TOR1AIP1: variants seen among roughly 807,000 people sequenced by gnomAD.
TOR1AIP1 encodes the protein torsin-1A-interacting protein 1.
TOR1AIP1 carries 54 observed loss-of-function variants against 63.3 expected under a neutral mutation model. The observed-to-expected ratio is 0.85, with a 90% CI of 0.69 to 1.07. TOR1AIP1 has a LOEUF of 1.07. TOR1AIP1 is among the 50% of genes least tolerant of loss of function. TOR1AIP1 has a pLI of 0.00. For missense variants in TOR1AIP1, 736 were observed against 715.0 expected, an observed-to-expected ratio of 1.03 and a Z score of -0.33; for synonymous variants, 294 against 273.5, an observed-to-expected ratio of 1.07 and a Z score of -0.74.
chr1:179,903,429 A>G (rs1465348002), intron 5 of TOR1AIP1, among the ~76,000 whole-genome samples: 8 of 152,228 alleles, frequency 5.3e-5, no homozygotes, highest in Admixed American at 5.2e-4. Context: ...ACCTTGGGGC[A>G]TGTTCTGTAT....
chr1:179,897,443 G>A (rs1156650513), intron 3 of TOR1AIP1, among the ~76,000 whole-genome samples: 1 of 152,252 alleles, frequency 6.6e-6, no homozygotes, highest in African/African-American at 2.4e-5. Context: ...CTTCAAATGT[G>A]TACAGAAATA....
chr1:179,894,461 C>T (rs6425595), intron 3 of TOR1AIP1, among the ~76,000 whole-genome samples: 7,892 of 151,964 alleles, frequency 0.052, 308 homozygotes, highest in Non-Finnish European at 0.068. Context: ...CTGAGGTGGA[C>T]GGATCACCTG....
chr1:179,907,939 C>G, intron 7 of TOR1AIP1, 75 bp downstream of exon 7: 1 of 496,862 alleles, frequency 2.0e-6, no homozygotes. Context: ...TTTTTTGAGA[C>G]GATGTCTTGC....
At chr1:179,888,329 C>T (rs886657493) in intron 2 of TOR1AIP1, among the ~76,000 whole-genome samples, 3 of 152,092 alleles carry the variant, frequency 2.0e-5, no homozygotes, top group African/African-American at 7.2e-5. Flanking sequence ...CCCAGGCTGG[C>T]GTGCAGTGCA....
rs772130524 is a variant in TOR1AIP1 at position 179,905,041 on chromosome 1, GA to G, written c.796+1021del. Among the ~76,000 whole-genome samples the G allele has an allele frequency of 2.0e-5, 3 of 152,242 alleles. No individual in the cohort carries two copies. In the East Asian group the frequency reaches 5.8e-4, roughly 29 times the overall value. On this transcript the variant is annotated intron_variant, in intron 6 of 9. Coordinates refer to ENST00000606911, the MANE Select transcript of TOR1AIP1 (RefSeq NM_015602.4). ...TATCTTTGTATGTAAAAATCTTCAA[GA>G]ACTTTTTTTTTCTTCCACATTACTT...
intron 1 of TOR1AIP1, chr1:179,883,761 G>A (rs778507874): frequency 1.4e-4 from 64 of 453,044 alleles, no homozygotes; most frequent in Non-Finnish European, 2.3e-4. Context: ...TGCTGACAAA[G>A]TGAGTGTATA....
chr1:179,885,723 AC>A (rs1647891399), intron 2 of TOR1AIP1, among the ~76,000 whole-genome samples: 1 of 152,102 alleles, frequency 6.6e-6, no homozygotes, highest in South Asian at 2.1e-4. Flanking sequence ...AAATAAAAAC[AC>A]CTTCATGCTA....
Position 179,882,815 on chromosome 1 carries a change from T to C in TOR1AIP1, c.313T>C (p.Tyr105His). The part of the protein sequence containing the change: ...AKEEVRESAY[Y>H]LRSRQRRQPR... ...AGAGGAAGTGAGAGAAAGCGCGTACTACCTTCGGTCTAGGCAGCGGAGGCA... is the reference window on the plus strand; with the variant it reads ...AGAGGAAGTGAGAGAAAGCGCGTACCACCTTCGGTCTAGGCAGCGGAGGCA... The change falls in exon 1 of 10, where the codon TAC (tyrosine) becomes CAC (histidine). Residue 105 changes from tyrosine to histidine, a missense_variant. Tyr to His is a moderately conservative substitution (Grantham distance 83, BLOSUM62 2). Coordinates refer to ENST00000606911, the MANE Select transcript of TOR1AIP1 (RefSeq NM_015602.4). 6.2e-7 allele frequency: 1 copy of C among 1,614,178 alleles called. No individual in the cohort carries two copies.
At chr1:179,896,444 C>T (rs748055089) in intron 3 of TOR1AIP1, among the ~76,000 whole-genome samples, 25 of 148,340 alleles carry the variant, frequency 1.7e-4, no homozygotes, top group Admixed American at 3.4e-4. Context: ...TGTCAGTGAC[C>T]GACCTAAGTG....
chr1:179,883,356 A>G (rs182625417), intron 1 of TOR1AIP1, among the ~76,000 whole-genome samples: 41 of 152,154 alleles, frequency 2.7e-4, no homozygotes, highest in Admixed American at 1.3e-4. Context: ...TTCTACAGAA[A>G]CCACTTCCAT....
chr1:179,902,737 C>T (rs1382292646), intron 5 of TOR1AIP1, among the ~76,000 whole-genome samples: 1 of 152,086 alleles, frequency 6.6e-6, no homozygotes, highest in Non-Finnish European at 1.5e-5. Flanking sequence ...CTTCTGTGTT[C>T]CTCAGTCTTG....
chr1:179,884,888 A>G (rs1647869035), intron 2 of TOR1AIP1, 119 bp downstream of exon 2: 1 of 670,788 alleles, frequency 1.5e-6, no homozygotes, highest in Middle Eastern at 3.6e-4. Flanking sequence ...AGTACTCAAG[A>G]GTACCAGCCA....
At chr1:179,885,996 C>T (rs1023486470) in intron 2 of TOR1AIP1, among the ~76,000 whole-genome samples, 10 of 152,164 alleles carry the variant, frequency 6.6e-5, no homozygotes, top group Non-Finnish European at 8.8e-5. Context: ...CCGCCTTGGC[C>T]TCTCAAAGTG....
chr1:179,912,011 CT>C (rs760415120), intron 8 of TOR1AIP1, among the ~76,000 whole-genome samples: 14 of 45,896 alleles, frequency 3.1e-4, no homozygotes, highest in African/African-American at 8.5e-4. Flanking sequence ...TCTTTTTTTT[CT>C]TTTTTTTTTC....
intron 9 of TOR1AIP1, among the ~76,000 whole-genome samples, chr1:179,916,890 G>T (rs963702610): frequency 6.6e-6 from 1 of 151,550 alleles, no homozygotes; most frequent in East Asian, 1.9e-4. Context: ...TTTCAGTAGA[G>T]ACGGGGTTTC....
intron 3 of TOR1AIP1, among the ~76,000 whole-genome samples, chr1:179,897,669 C>CT (rs1648329257): frequency 6.6e-6 from 1 of 152,112 alleles, no homozygotes; most frequent in Non-Finnish European, 1.5e-5. Flanking sequence ...TTTAGAGTAA[C>CT]TATGTAAAAC....
At chr1:179,902,925 C>T (rs901870320) in intron 5 of TOR1AIP1, among the ~76,000 whole-genome samples, 1 of 151,832 alleles carries the variant, frequency 6.6e-6, no homozygotes, top group Non-Finnish European at 1.5e-5. Context: ...ACCAGCATAA[C>T]TATTTGGAAG....
At chr1:179,916,232 AGT>A (rs1648986566) in intron 9 of TOR1AIP1, among the ~76,000 whole-genome samples, 1 of 152,224 alleles carries the variant, frequency 6.6e-6, no homozygotes, top group South Asian at 2.1e-4. Flanking sequence ...AGGCATCAGA[AGT>A]TTTTCTCACC....
At chr1:179,893,745 A>G (rs893351738) in intron 3 of TOR1AIP1, among the ~76,000 whole-genome samples, 2 of 152,028 alleles carry the variant, frequency 1.3e-5, no homozygotes, top group African/African-American at 4.8e-5. Flanking sequence ...CCCAGCAGAT[A>G]GTCTTAAAAC....
Sources: gnomAD v4.1 joint callset for allele counts (sites outside exome capture counted in the v4.1 genomes callset) on GRCh38, gnomAD v4.1.1 for gene constraint, MANE v1.5 for transcripts, NCBI Gene and HGNC (gene_info 2026-07-23, HGNC 2026-07-21) for gene names.